TAFA1: variants seen among roughly 807,000 people sequenced by gnomAD.
TAFA1 encodes the protein chemokine-like protein TAFA-1.
A neutral mutation model predicts 18.5 loss-of-function variants in TAFA1; 4 were observed. The ratio of observed to expected loss-of-function variants is 0.22; its 90% CI spans 0.11 to 0.49. The LOEUF (loss-of-function observed/expected upper bound fraction) is 0.49. Among genes scored for constraint, TAFA1 ranks in the 20% least tolerant of loss-of-function variants. TAFA1 has a pLI of 0.98. For synonymous variants in TAFA1, 56 were observed against 55.2 expected (o/e 1.01, Z -0.06); for missense variants, 147 against 169.0 (o/e 0.87, Z 0.72).
intron 2 of TAFA1, among the ~76,000 whole-genome samples, chr3:68,147,041 A>G (rs2396324): frequency 0.57 from 76,648 of 133,468 alleles, 21,322 homozygotes; most frequent in South Asian, 0.73. Flanking sequence ...GTGTGTGTGT[A>G]TATATATATA....
chr3:68,378,522 C>T (rs2069865417), intron 2 of TAFA1, among the ~76,000 whole-genome samples: 1 of 152,090 alleles, frequency 6.6e-6, no homozygotes, highest in African/African-American at 2.4e-5. Flanking sequence ...CTTGCCTTCT[C>T]TCGGATGAGA....
chr3:68,443,650 G>T (rs2071426624), intron 3 of TAFA1, among the ~76,000 whole-genome samples: 2 of 151,996 alleles, frequency 1.3e-5, no homozygotes, highest in South Asian at 2.1e-4. Flanking sequence ...ATCTCCTGAG[G>T]CTCATTCACT....
chr3:68,063,053 T>C (rs2064625746), intron 2 of TAFA1, among the ~76,000 whole-genome samples: 1 of 152,144 alleles, frequency 6.6e-6, no homozygotes, highest in Non-Finnish European at 1.5e-5. Flanking sequence ...GTATCCAGAT[T>C]AAAAAAACAG....
intron 2 of TAFA1, among the ~76,000 whole-genome samples, chr3:68,339,043 T>A (rs2106748367): frequency 6.6e-6 from 1 of 152,346 alleles, no homozygotes; most frequent in South Asian, 2.1e-4. Context: ...AGAACAGGCA[T>A]ACTGTCAATT....
chr3:68,296,647 A>G (rs933978404), intron 2 of TAFA1, among the ~76,000 whole-genome samples: 2 of 152,116 alleles, frequency 1.3e-5, no homozygotes, highest in African/African-American at 4.8e-5. Flanking sequence ...TGAAGTGACT[A>G]GTCTCTATGG....
intron 2 of TAFA1, among the ~76,000 whole-genome samples, chr3:68,037,793 A>C (rs1399903702): frequency 1.3e-5 from 2 of 152,214 alleles, no homozygotes; most frequent in African/African-American, 4.8e-5. Flanking sequence ...ACTGCTCTGA[A>C]GGCCCAATTT....
intron 3 of TAFA1, among the ~76,000 whole-genome samples, chr3:68,471,468 A>G (rs1226662367): frequency 6.6e-6 from 1 of 152,174 alleles, no homozygotes; most frequent in Non-Finnish European, 1.5e-5. Context: ...GCACCCTGAA[A>G]AACCAGAGGG....
chr3:68,377,291 C>CT (rs2069837554), intron 2 of TAFA1, among the ~76,000 whole-genome samples: 1 of 152,124 alleles, frequency 6.6e-6, no homozygotes, highest in African/African-American at 2.4e-5. Context: ...TTCCTAGAGA[C>CT]TTGTTGAGTG....
intron 2 of TAFA1, among the ~76,000 whole-genome samples, chr3:68,386,710 C>G (rs1315621539): frequency 1.3e-5 from 2 of 152,148 alleles, no homozygotes; most frequent in Non-Finnish European, 2.9e-5. Context: ...CTATTGCTTT[C>G]TTTTCTGTTG....
chr3:68,171,501 G>C (rs1362952358), intron 2 of TAFA1, among the ~76,000 whole-genome samples: 1 of 152,068 alleles, frequency 6.6e-6, no homozygotes, highest in Non-Finnish European at 1.5e-5. Context: ...GGGTGAAGGA[G>C]GATCTGATTT....
chr3:68,142,065 C>T (rs921493170), intron 2 of TAFA1, among the ~76,000 whole-genome samples: 1 of 152,134 alleles, frequency 6.6e-6, no homozygotes, highest in East Asian at 1.9e-4. Flanking sequence ...TGCCCTTTTA[C>T]CTCTAGCTTA....
At chr3:68,213,988 G>A (rs1173356820) in intron 2 of TAFA1, among the ~76,000 whole-genome samples, 1 of 152,012 alleles carries the variant, frequency 6.6e-6, no homozygotes, top group African/African-American at 2.4e-5. Flanking sequence ...TACAAAGTAG[G>A]CAATATGGTT....
chr3:68,074,075 C>T (rs7642259), intron 2 of TAFA1, among the ~76,000 whole-genome samples: 52,524 of 151,970 alleles, frequency 0.35, 9,778 homozygotes, highest in East Asian at 0.48. Context: ...GTCCCATCTG[C>T]GGGTGATGGG....
intron 2 of TAFA1, among the ~76,000 whole-genome samples, chr3:68,219,331 T>C (rs1025670177): frequency 1.4e-4 from 22 of 152,194 alleles, no homozygotes; most frequent in African/African-American, 5.3e-4. Flanking sequence ...TACTTTTGTA[T>C]ATAGTTTACT....
chr3:68,413,050 C>T (rs1024171797), intron 2 of TAFA1, among the ~76,000 whole-genome samples: 16 of 152,034 alleles, frequency 1.1e-4, no homozygotes, highest in South Asian at 4.2e-4. Flanking sequence ...TGTTTCCTGA[C>T]TTTTTAATGA....
At chr3:68,189,730 T>C (rs1186038984) in intron 2 of TAFA1, among the ~76,000 whole-genome samples, 5 of 151,958 alleles carry the variant, frequency 3.3e-5, no homozygotes, top group African/African-American at 1.2e-4. Flanking sequence ...TCTTCATTTC[T>C]AAAATGAGGA....
chr3:68,020,917 G>A (rs1170160975), intron 2 of TAFA1, among the ~76,000 whole-genome samples: 2 of 151,978 alleles, frequency 1.3e-5, no homozygotes, highest in Non-Finnish European at 2.9e-5. Context: ...CGGGAGCAGT[G>A]GCTCACACCT....
At chr3:68,202,372 T>G (rs1306569920) in intron 2 of TAFA1, among the ~76,000 whole-genome samples, 1 of 151,632 alleles carries the variant, frequency 6.6e-6, no homozygotes, top group Non-Finnish European at 1.5e-5. Flanking sequence ...GTTGGTATAC[T>G]TTCATTAATA....
At chr3:68,238,746 A>G (rs771670618) in intron 2 of TAFA1, among the ~76,000 whole-genome samples, 1 of 152,192 alleles carries the variant, frequency 6.6e-6, no homozygotes, top group African/African-American at 2.4e-5. Context: ...CATAATATTT[A>G]AACACTTTTT....
Sources: allele counts gnomAD v4.1 joint callset (sites outside exome capture counted in the v4.1 genomes callset), GRCh38; gene constraint gnomAD v4.1.1; transcripts MANE v1.5; gene names NCBI Gene and HGNC (gene_info 2026-07-23, HGNC 2026-07-21).